The following RAB21 variants were observed in gnomAD, a reference collection of about 807,000 sequenced individuals.
The protein encoded by RAB21 is RAB21, member RAS oncogene family, also known as ras-related protein Rab-21.
Under a neutral mutation model 33.1 loss-of-function variants are expected in RAB21, and 13 were observed. That is an observed-to-expected ratio of 0.39 (90% CI 0.26 to 0.62). The LOEUF is 0.62. Ranked by LOEUF, RAB21 falls within the 20% of genes least tolerant of loss-of-function variation. The probability of loss-of-function intolerance (pLI) is 0.48; values close to 1 mark genes in which losing one functional copy is unlikely to be tolerated. For missense variants in RAB21, 234 were observed against 279.1 expected, an observed-to-expected ratio of 0.84 and a Z score of 1.15; for synonymous variants, 91 against 103.7, an observed-to-expected ratio of 0.88 and a Z score of 0.74.
chr12:71,760,672 A>G lies in RAB21; in HGVS notation c.159+5384A>G, dbSNP rs571258861. 7.2e-5 allele frequency among the ~76,000 whole-genome samples: 11 copies of G among 152,214 alleles called. No individual in the cohort carries two copies. In the East Asian group the frequency reaches 1.4e-3, roughly 19 times the overall value. The stretch of plus-strand genomic sequence containing the variant: ...CATTTTGGTTTTAACCACTTCCTCA[A>G]TTTGGTGTGCCTTCTTTATATCTGT... On this transcript the variant is annotated intron_variant, in intron 1 of 6. Coordinates refer to ENST00000261263, the MANE Select transcript of RAB21 (RefSeq NM_014999.4).
intron 1 of RAB21, among the ~76,000 whole-genome samples, chr12:71,762,622 G>A (rs1426456683): frequency 2.0e-5 from 3 of 151,600 alleles, no homozygotes; most frequent in Admixed American, 6.6e-5. Flanking sequence ...TCGCCCTTTC[G>A]CCTAAGCTGG....
intron 6 of RAB21, among the ~76,000 whole-genome samples, chr12:71,783,705 T>G (rs911145999): frequency 6.6e-6 from 1 of 152,148 alleles, no homozygotes; most frequent in African/African-American, 2.4e-5. Flanking sequence ...CACTAAAATA[T>G]AAGAGCCAAT....
At chr12:71,771,014 T>G (rs1883034681) in intron 3 of RAB21, among the ~76,000 whole-genome samples, 1 of 152,222 alleles carries the variant, frequency 6.6e-6, no homozygotes, top group Non-Finnish European at 1.5e-5. Context: ...TGGGGGCTTT[T>G]GTTTTTCCCT....
intron 1 of RAB21, among the ~76,000 whole-genome samples, chr12:71,759,378 A>G (rs1405021897): frequency 9.2e-5 from 14 of 152,236 alleles, no homozygotes; most frequent in Admixed American, 2.6e-4. Flanking sequence ...AGACTATGAA[A>G]GAAAGCAGAG....
In RAB21 at chr12:71,755,138, GGCCGGCGGC is replaced by G; in HGVS notation, c.11_19del (p.Ala4_Gly6del). On this transcript the variant is annotated inframe_deletion, in exon 1 of 7. Coordinates refer to ENST00000261263, the MANE Select transcript of RAB21 (RefSeq NM_014999.4). ...GGCCGGGAAGCGACGGGATGGCTGC[GGCCGGCGGC>G]GGCGGCGGCGGGGCGGCGGCGGCGG... The G allele has an allele frequency of 8.0e-7, 1 of 1,253,100 alleles. No homozygotes were observed. Among genetic ancestry groups the G allele is most frequent in the Non-Finnish European group, 1.0e-6 (1 of 998,870 alleles). 77.6% of individuals were successfully genotyped at this position (1,253,100 alleles called of 1,614,324 possible).
At position 71,792,685 on chromosome 12, in the gene RAB21, A is replaced by G. The variant is rs1592654257; in HGVS notation, c.*7012A>G. 1 of 152,328 alleles carries G rather than the reference A, an allele frequency of 6.6e-6. No individual in the cohort carries two copies. Among genetic ancestry groups the G allele is most frequent in the East Asian group, 1.9e-4 (1 of 5,186 alleles). The allele number at this position is 152,328 out of a possible 1,614,324, so 9.4% of individuals were successfully genotyped here. A position where few individuals can be genotyped will look rare whatever the true frequency, so the allele number is the denominator to read the frequency against. On this transcript the variant is annotated 3_prime_UTR_variant, in exon 7 of 7. Transcript: ENST00000261263. ...TTTGGTTAGTTTCACTCATTTGTTG[A>G]GTGCCTTCTGTATGCCCAGTGCACA...
At position 71,792,849 on chromosome 12, in the gene RAB21, C is replaced by A. The variant is rs1592654318; in HGVS notation, c.*7176C>A. On this transcript the variant is annotated 3_prime_UTR_variant, in exon 7 of 7. Coordinates refer to ENST00000261263, the MANE Select transcript of RAB21 (RefSeq NM_014999.4). ...AGTAATTTATCTGGGGATATAAGGT[C>A]ACCTGTGCACACATGTTCACATTCT... 6.6e-6 allele frequency: 1 copy of A among 152,150 alleles called. No individual in the cohort carries two copies. The highest frequency in any genetic ancestry group is 2.4e-5 in the African/African-American group (1 of 41,436). 9.4% of individuals were successfully genotyped at this position (152,150 alleles called of 1,614,324 possible).
chr12:71,756,321 A>AT (rs1882785110), intron 1 of RAB21, among the ~76,000 whole-genome samples: 1 of 152,208 alleles, frequency 6.6e-6, no homozygotes. Flanking sequence ...GTCAGGATAA[A>AT]TATACAGAAA....
chr12:71,755,361 C>A (rs977914077), intron 1 of RAB21, 73 bp downstream of exon 1: 4 of 1,400,296 alleles, frequency 2.9e-6, no homozygotes, highest in Non-Finnish European at 3.7e-6. Context: ...ACTTTGCCGC[C>A]CTGGTCCCCT....
Position 71,785,879 on chromosome 12 carries a change from G to GTTTTTTTTGTT in RAB21, c.*214_*215insGTTTTTTTTTT. Reference sequence around the variant, plus strand: ...CAGAGAATTGGCATTTTCTACAAATGTTTTTTTTTGTTTTTTTTTTGTTTT... The same window carrying GTTTTTTTTGTT: ...CAGAGAATTGGCATTTTCTACAAATGTTTTTTTTGTTTTTTTTTTTGTTTTTTTTTTGTTTT... On this transcript the variant is annotated 3_prime_UTR_variant, in exon 7 of 7. Coordinates refer to ENST00000261263, the MANE Select transcript of RAB21 (RefSeq NM_014999.4). 2.5e-6 allele frequency: 1 copy of GTTTTTTTTGTT among 397,164 alleles called. No individual in the cohort carries two copies. The highest frequency in any genetic ancestry group is 4.2e-6 in the Non-Finnish European group (1 of 236,846). 24.6% of individuals were successfully genotyped at this position (397,164 alleles called of 1,614,324 possible).
intron 1 of RAB21, among the ~76,000 whole-genome samples, chr12:71,763,382 G>C (rs1882908815): frequency 6.6e-6 from 1 of 152,090 alleles, no homozygotes. Context: ...GTTATGAAAA[G>C]ACTTTAATTT....
chr12:71,760,837 G>T (rs2137639421), intron 1 of RAB21, among the ~76,000 whole-genome samples: 1 of 152,162 alleles, frequency 6.6e-6, no homozygotes, highest in East Asian at 1.9e-4. Context: ...ATAGGTGTCT[G>T]GGTGAATAAC....
intron 4 of RAB21, among the ~76,000 whole-genome samples, chr12:71,781,750 A>C (rs545233196): frequency 6.6e-6 from 1 of 152,276 alleles, no homozygotes; most frequent in African/African-American, 2.4e-5. Flanking sequence ...GGTATCCCCC[A>C]AAATCAAAAA....
At chr12:71,780,230 G>C (rs990698768) in intron 4 of RAB21, among the ~76,000 whole-genome samples, 4 of 151,992 alleles carry the variant, frequency 2.6e-5, no homozygotes, top group African/African-American at 9.7e-5. Context: ...TCTTTTTATA[G>C]GTATTGATGA....
rs552479130 is a variant in RAB21 at position 71,783,469 on chromosome 12, C to T, written c.535+811C>T. 5.9e-5 allele frequency among the ~76,000 whole-genome samples: 9 copies of T among 151,502 alleles called. No homozygotes were observed. The South Asian group carries it at 1.9e-3, about 31-fold the overall frequency. On this transcript the variant is annotated intron_variant, in intron 6 of 6. Transcript: ENST00000261263. The stretch of plus-strand genomic sequence containing the variant: ...ATATGTGTGTGTGTGTGTACACACA[C>T]ACACACATTTTGGAATAAATTAGTT...
At position 71,797,379 on chromosome 12, in the gene RAB21, C is replaced by G. The variant is rs533692153; in HGVS notation, c.*11706C>G. 2.0e-5 allele frequency: 3 copies of G among 151,758 alleles called. No homozygotes were observed. Among genetic ancestry groups the G allele is most frequent in the African/African-American group, 7.2e-5 (3 of 41,410 alleles). 9.4% of individuals were successfully genotyped at this position (151,758 alleles called of 1,614,324 possible). On this transcript the variant is annotated 3_prime_UTR_variant, in exon 7 of 7. Transcript: ENST00000261263. The stretch of plus-strand genomic sequence containing the variant: ...TTAGAAGATATAATAGAAGAAAAGG[C>G]CCCATTTAAAGTAAGACCAAAGGAG...
rs376136774 is a variant in RAB21 at position 71,757,828 on chromosome 12, A to G, written c.159+2540A>G. On this transcript the variant is annotated intron_variant, in intron 1 of 6. Coordinates refer to ENST00000261263, the MANE Select transcript of RAB21 (RefSeq NM_014999.4). ...CTATGTAAACTACTTTGTATTTTAT[A>G]AAGTACATTCTCATACATTTCAAAG... Among the ~76,000 whole-genome samples the G allele has an allele frequency of 1.3e-4, 20 of 152,352 alleles. No individual in the cohort carries two copies. The South Asian group carries it at 4.1e-3, about 32-fold the overall frequency.
intron 4 of RAB21, among the ~76,000 whole-genome samples, chr12:71,778,187 A>G (rs1030499109): frequency 1.3e-5 from 2 of 152,232 alleles, no homozygotes; most frequent in African/African-American, 2.4e-5. Context: ...GCTAACCAGT[A>G]ATAGAGAACC....
intron 1 of RAB21, among the ~76,000 whole-genome samples, chr12:71,761,438 G>A (rs1352485789): frequency 6.6e-6 from 1 of 152,184 alleles, no homozygotes; most frequent in East Asian, 1.9e-4. Context: ...CAGCACTTTG[G>A]GAGGCTGAGG....
Sources: allele counts gnomAD v4.1 joint callset (sites outside exome capture counted in the v4.1 genomes callset), GRCh38; gene constraint gnomAD v4.1.1; transcripts MANE v1.5; gene names NCBI Gene and HGNC (gene_info 2026-07-23, HGNC 2026-07-21).